ELF4: variants seen among roughly 807,000 people sequenced by gnomAD.
ELF4 encodes ETS-related transcription factor Elf-4.
Under a neutral mutation model 31.7 loss-of-function variants are expected in ELF4, and 10 were observed. The observed-to-expected ratio is 0.32, with a 90% confidence interval of 0.19 to 0.54. The LOEUF (loss-of-function observed/expected upper bound fraction) is 0.54. Among genes scored for constraint, ELF4 ranks in the 20% least tolerant of loss-of-function variants. The pLI, the probability that ELF4 is intolerant of heterozygous loss-of-function variation, is 0.95. For missense variants in ELF4, 418 were observed against 522.0 expected (o/e 0.80, Z 1.94); for synonymous variants, 208 against 226.7 (o/e 0.92, Z 0.74).
chrX:130,087,304 C>T (rs1932976064), intron 1 of ELF4, among the ~76,000 whole-genome samples: 1 of 112,130 alleles, frequency 8.9e-6, no homozygotes, highest in Non-Finnish European at 1.9e-5. Context: ...CCCCAGAAGC[C>T]CCTGCAGATC....
At chrX:130,086,759 G>A (rs775149842) in intron 1 of ELF4, among the ~76,000 whole-genome samples, 1 of 112,856 alleles carries the variant, frequency 8.9e-6, no homozygotes, top group Non-Finnish European at 1.9e-5. Context: ...CAGATGATGA[G>A]TTTCAGGTGA....
rs776346171 is a variant in ELF4, at chrX:130,099,802, C to A, written c.-210+10523G>T. Among the ~76,000 whole-genome samples the A allele has an allele frequency of 1.2e-3, 128 of 110,306 alleles. 5 individuals are homozygous for A. The highest frequency in any genetic ancestry group is 2.3e-4 in the Non-Finnish European group (12 of 52,707). On this transcript the variant is annotated intron_variant, in intron 1 of 8. Transcript: ENST00000308167. ...TATAGGTGCGCATCACCATGCCCTGCTAATTTTGTGTTTTTACTAGAGACG... is the reference window on the plus strand; with the variant it reads ...TATAGGTGCGCATCACCATGCCCTGATAATTTTGTGTTTTTACTAGAGACG...
chrX:130,065,580 C>T lies in ELF4; in HGVS notation c.*1141G>A, dbSNP rs1035390009. Reference sequence around the variant, plus strand: ...GCAGCAGAAACCATGTGGTAGGTGCCCATGCTTGAGCAGGAATGGGGGTGG... The same window carrying T: ...GCAGCAGAAACCATGTGGTAGGTGCTCATGCTTGAGCAGGAATGGGGGTGG... On this transcript the variant is annotated 3_prime_UTR_variant, in exon 9 of 9. Coordinates refer to ENST00000308167, the MANE Select transcript of ELF4 (RefSeq NM_001421.4). 3 of 174,485 alleles carry T rather than the reference C, an allele frequency of 1.7e-5. No homozygotes were observed. Among genetic ancestry groups the T allele is most frequent in the African/African-American group, 8.8e-5 (3 of 34,003 alleles). The allele number at this position is 174,485 out of a possible 1,213,427, so 14.4% of individuals were successfully genotyped here.
chrX:130,069,939 C>T (rs1210896543), intron 7 of ELF4, among the ~76,000 whole-genome samples: 2 of 112,342 alleles, frequency 1.8e-5, no homozygotes, highest in Non-Finnish European at 3.8e-5. Context: ...CCCACTCCAA[C>T]CCCCTGCTTT....
At chrX:130,067,595 C>T (rs1033003600) in intron 8 of ELF4, 70 bp from the exon 9 acceptor site, 14 of 1,037,839 alleles carry the variant, frequency 1.3e-5, no homozygotes, top group African/African-American at 5.6e-5. Flanking sequence ...AAGGAGGGCA[C>T]GAGAGGAATG....
At chrX:130,072,189 C>A in intron 5 of ELF4, 37 bp downstream of exon 5, 3 of 1,200,242 alleles carry the variant, frequency 2.5e-6, no homozygotes, top group Non-Finnish European at 3.4e-6. Context: ...CGCCCATCCC[C>A]TCGGAGACAC....
intron 1 of ELF4, among the ~76,000 whole-genome samples, chrX:130,101,714 G>A (rs890418848): frequency 7.2e-5 from 8 of 110,605 alleles, no homozygotes; most frequent in African/African-American, 9.9e-5. Flanking sequence ...CAGGAGAATC[G>A]CTTGAACCCG....
In ELF4 at chrX:130,074,271, T is replaced by A; in HGVS notation, c.248-130A>T. On this transcript the variant is annotated intron_variant, in intron 3 of 8. Transcript: ENST00000308167. Reference sequence around the variant, plus strand: ...AGCATCCTTCGGGCTGACCCTGAAGTGAGTGCTAAGTGAGGGAGAAACAGG... The same window carrying A: ...AGCATCCTTCGGGCTGACCCTGAAGAGAGTGCTAAGTGAGGGAGAAACAGG... 9 of 750,855 alleles carry A rather than the reference T, an allele frequency of 1.2e-5. No homozygotes were observed. In the South Asian group the frequency reaches 2.0e-4, roughly 17 times the overall value. The allele number at this position is 750,855 out of a possible 1,213,427, so 61.9% of individuals were successfully genotyped here.
intron 4 of ELF4, 118 bp downstream of exon 4, chrX:130,073,931 G>T: frequency 1.4e-6 from 1 of 700,606 alleles, no homozygotes; most frequent in Non-Finnish European, 2.3e-6. Flanking sequence ...GTATATCGGT[G>T]GGTGTGGTGC....
chrX:130,066,929 C>G lies in ELF4; in HGVS notation c.1784G>C (p.Gly595Ala). 1 of 1,211,990 alleles carries G rather than the reference C, an allele frequency of 8.3e-7. No individual in the cohort carries two copies. The highest frequency in any genetic ancestry group is 1.8e-5 in the South Asian group (1 of 57,023). The change falls in exon 9 of 9, where the codon GGC becomes GCC. Residue 595 changes from glycine (G) to alanine (A), a missense_variant. By Grantham distance (60) the Gly-to-Ala change is moderately conservative. This residue lies in a region of ELF4 where 260 missense variants were observed against 269.2 expected (regional missense o/e 0.97). Coordinates refer to ENST00000308167, the MANE Select transcript of ELF4 (RefSeq NM_001421.4). ...SRGSHNPSLL[G>A]NQTLSPPSRP... ...GCTGGGAGGAGACAAAGTCTGGTTG[C>G]CCAGAAGGCTCGGATTGTGGGAACC...
At chrX:130,102,084 T>C (rs1447951192) in intron 1 of ELF4, among the ~76,000 whole-genome samples, 1 of 112,663 alleles carries the variant, frequency 8.9e-6, no homozygotes, top group Non-Finnish European at 1.9e-5. Flanking sequence ...AAGCAGAGGT[T>C]GCAGTGAACT....
intron 1 of ELF4, among the ~76,000 whole-genome samples, chrX:130,082,100 T>C (rs1017017321): frequency 1.8e-5 from 2 of 111,617 alleles, no homozygotes; most frequent in Non-Finnish European, 3.8e-5. Flanking sequence ...CAGCCTAATC[T>C]TACCTTGGGA....
Position 130,078,758 on chromosome X carries a change from TCTCTACAC to T in ELF4, c.75+2490_75+2497del, listed in dbSNP as rs1346287166. Among the ~76,000 whole-genome samples, 394 of 84,467 alleles carry T rather than the reference TCTCTACAC, an allele frequency of 4.7e-3. 4 individuals carry two copies. Among genetic ancestry groups the T allele is most frequent in the African/African-American group, 0.017 (370 of 21,531 alleles). 73.3% of individuals were successfully genotyped at this position (84,467 alleles called of 115,157 possible). On this transcript the variant is annotated intron_variant, in intron 2 of 8. Transcript: ENST00000308167. Reference sequence around the variant, plus strand: ...AGCAACAAGAGCAAAACTCTCTCTCTCTCTACACACACACACACACACACACACACACA... The same window carrying T: ...AGCAACAAGAGCAAAACTCTCTCTCTACACACACACACACACACACACACA...
At chrX:130,096,364 A>C (rs972833004) in intron 1 of ELF4, among the ~76,000 whole-genome samples, 40 of 110,233 alleles carry the variant, frequency 3.6e-4, no homozygotes, top group Admixed American at 3.3e-3. Context: ...TTGTATTTTT[A>C]TTAGAGATGG....
intron 1 of ELF4, among the ~76,000 whole-genome samples, chrX:130,107,817 C>T (rs776982511): frequency 1.5e-4 from 17 of 112,761 alleles, no homozygotes; most frequent in Non-Finnish European, 3.0e-4. Flanking sequence ...ATAAAGTGGT[C>T]TCATGTGACA....
chrX:130,080,249 C>G (rs748348895), intron 2 of ELF4, among the ~76,000 whole-genome samples: 1 of 109,935 alleles, frequency 9.1e-6, no homozygotes, highest in South Asian at 3.9e-4. Context: ...TGGTGAAACC[C>G]GGTCTCTACT....
Position 130,064,394 on chromosome X carries a change from C to T in ELF4, c.*2327G>A, listed in dbSNP as rs371497826. Among the ~76,000 whole-genome samples, 1 of 112,069 alleles carries T rather than the reference C, an allele frequency of 8.9e-6. No homozygotes were observed. The highest frequency in any genetic ancestry group is 3.2e-5 in the African/African-American group (1 of 30,827). ...CAGAGGTTGCAGTGAACCGAGATTG[C>T]ACCACTGCACTCCAGCCGACAGAGC... On this transcript the variant is annotated 3_prime_UTR_variant, in exon 9 of 9. Coordinates refer to ENST00000308167, the MANE Select transcript of ELF4 (RefSeq NM_001421.4).
intron 7 of ELF4, 65 bp downstream of exon 7, chrX:130,070,975 T>C: frequency 8.4e-7 from 1 of 1,194,804 alleles, no homozygotes; most frequent in Non-Finnish European, 1.1e-6. Context: ...GGAGGACTCC[T>C]TGGACTTAAG....
At chrX:130,101,015 T>C (rs754369976) in intron 1 of ELF4, among the ~76,000 whole-genome samples, 1 of 112,408 alleles carries the variant, frequency 8.9e-6, no homozygotes, top group African/African-American at 3.2e-5. Context: ...GGACAAGATG[T>C]ATTAGCTAGA....
Sources: allele counts gnomAD v4.1 joint callset (sites outside exome capture counted in the v4.1 genomes callset), GRCh38; gene constraint gnomAD v4.1.1; regional missense constraint gnomAD v4.1.1; transcripts MANE v1.5; gene names NCBI Gene and HGNC (gene_info 2026-07-23, HGNC 2026-07-21).